NUCB2: variants seen among roughly 807,000 people sequenced by gnomAD.
NUCB2 encodes nucleobindin-2.
Under a neutral mutation model 57.9 loss-of-function variants are expected in NUCB2, and 48 were observed. That is an observed-to-expected ratio of 0.83 (90% confidence interval 0.66 to 1.05). The LOEUF is 1.05. Among genes scored for constraint, NUCB2 ranks in the 50% least tolerant of loss-of-function variants. The probability of loss-of-function intolerance (pLI) is 0.00; values close to 1 mark genes in which losing one functional copy is unlikely to be tolerated. For synonymous variants in NUCB2, 139 were observed against 152.1 expected (o/e 0.91, Z 0.64); for missense variants, 442 against 476.2 (o/e 0.93, Z 0.67).
In NUCB2 at chr11:17,330,894, T is replaced by C. The variant is rs775158447; in HGVS notation, c.1174-8T>C. ...TTATACTTTTAACTTTCATTTTCCA[T>C]TCACCAGGTCATACAGCAGATGGAA... On this transcript the variant is annotated splice_region_variant and splice_polypyrimidine_tract_variant and intron_variant, in intron 12 of 13. Coordinates refer to ENST00000529010, the MANE Select transcript of NUCB2 (RefSeq NM_005013.4). This position sits in a 1 kb window ranked among gnomAD's most constrained non-coding sequence, Gnocchi z 4.3. The C allele has an allele frequency of 1.9e-6, 3 of 1,545,468 alleles. No homozygotes were observed. The South Asian group carries it at 3.3e-5, about 17-fold the overall frequency.
chr11:17,301,790 G>A lies in NUCB2; in HGVS notation c.299G>A (p.Arg100Lys). 6.2e-7 allele frequency: 1 copy of A among 1,610,402 alleles called. No individual in the cohort carries two copies. Among genetic ancestry groups the A allele is most frequent in the Non-Finnish European group, 8.5e-7 (1 of 1,176,644 alleles). Reference sequence around the variant, plus strand: ...CTGGATTTAGTAAGTCACCATGTGAGGACAAAACTTGATGAACTGAAAAGG... The same window carrying A: ...CTGGATTTAGTAAGTCACCATGTGAAGACAAAACTTGATGAACTGAAAAGG... ...KELDLVSHHV[R>K]TKLDELKRQE... Residue 100 changes from arginine (R) to lysine (K), a missense_variant, in exon 5 of 14, where the codon AGG (arginine) becomes AAG (lysine). Transcript: ENST00000529010.
At chr11:17,313,307 A>G (rs1408388388) in intron 10 of NUCB2, among the ~76,000 whole-genome samples, 1 of 151,796 alleles carries the variant, frequency 6.6e-6, no homozygotes, top group African/African-American at 2.4e-5. Flanking sequence ...TGGCAGGTGG[A>G]TCTCTTGAGG....
intron 5 of NUCB2, among the ~76,000 whole-genome samples, chr11:17,303,575 G>T (rs544439127): frequency 6.6e-6 from 1 of 152,054 alleles, no homozygotes; most frequent in Non-Finnish European, 1.5e-5. Context: ...TAGAATTTCC[G>T]AAATGCAAGG....
rs1231716255 is a variant in NUCB2, at chr11:17,330,184, A to G, written c.1060A>G (p.Ile354Val). Reference protein sequence around the residue: ...EEELKEYENIIALQENELKKK... With the variant: ...EEELKEYENIVALQENELKKK... ...AGAACTAAAAGAATATGAAAATATT[A>G]TTGCTTTACAAGAAAATGAACTTAA... Residue 354 changes from isoleucine (I) to valine (V), a missense_variant, in exon 12 of 14, where the codon ATT becomes GTT. By Grantham distance (29) the Ile-to-Val change is conservative. Coordinates refer to ENST00000529010, the MANE Select transcript of NUCB2 (RefSeq NM_005013.4). The surrounding 1 kb of genome is among the most constrained non-coding windows in gnomAD (Gnocchi z 4.3). The G allele has an allele frequency of 1.3e-6, 2 of 1,591,456 alleles. No individual in the cohort carries two copies. The highest frequency in any genetic ancestry group is 1.3e-5 in the African/African-American group (1 of 74,584).
At position 17,330,991 on chromosome 11, in the gene NUCB2, A is replaced by G. The variant is rs866550315; in HGVS notation, c.1255+8A>G. The G allele has an allele frequency of 4.6e-6, 7 of 1,532,978 alleles. No individual in the cohort carries two copies. Among genetic ancestry groups the G allele is most frequent in the Middle Eastern group, 1.7e-4 (1 of 5,912 alleles). 95.0% of individuals were successfully genotyped at this position (1,532,978 alleles called of 1,614,324 possible). On this transcript the variant is annotated splice_region_variant and intron_variant, in intron 13 of 13. Transcript: ENST00000529010. This position sits in a 1 kb window ranked among gnomAD's most constrained non-coding sequence, Gnocchi z 4.3. ...AATTGAAGTTTGAGCCACGTGTGTA[A>G]TTTTGTTTGATTATTTATTTAGGAA...
downstream of NUCB2, among the ~76,000 whole-genome samples, chr11:17,334,999 C>T (rs911605501): frequency 1.1e-4 from 17 of 151,862 alleles, no homozygotes; most frequent in African/African-American, 4.1e-4. Context: ...ATTGCATATT[C>T]CTCCAAACAT....
chr11:17,336,610 C>T (rs1042272822), downstream of NUCB2, among the ~76,000 whole-genome samples: 25 of 151,146 alleles, frequency 1.7e-4, no homozygotes, highest in Non-Finnish European at 3.7e-4. Context: ...AAAAATTAGC[C>T]GGGCGTGGTG....
chr11:17,279,594 G>A (rs1269581035), intron 1 of NUCB2, among the ~76,000 whole-genome samples: 3 of 152,094 alleles, frequency 2.0e-5, no homozygotes, highest in South Asian at 2.1e-4. Flanking sequence ...TTATATGAAT[G>A]TGATCTTTCA....
chr11:17,327,098 T>C (rs909642780), intron 11 of NUCB2, among the ~76,000 whole-genome samples: 13 of 152,188 alleles, frequency 8.5e-5, no homozygotes, highest in Admixed American at 6.5e-5. Context: ...TCTTGCTCTG[T>C]TACCCAGACT....
chr11:17,341,484 T>C (rs372497205), intron 2 of NUCB2, among the ~76,000 whole-genome samples: 2 of 151,986 alleles, frequency 1.3e-5, no homozygotes, highest in Admixed American at 6.6e-5. Flanking sequence ...TTTTGAAATA[T>C]GTCCCATCAA....
At chr11:17,304,838 T>C (rs1372209445) in intron 5 of NUCB2, among the ~76,000 whole-genome samples, 4 of 152,180 alleles carry the variant, frequency 2.6e-5, no homozygotes, top group African/African-American at 9.6e-5. Flanking sequence ...AACTTTAAAA[T>C]ACTCATGAAG....
At position 17,295,361 on chromosome 11, in the gene NUCB2, TC is replaced by T. The variant is rs756249891; in HGVS notation, c.39del (p.Leu14Ter). 5.0e-6 allele frequency: 8 copies of T among 1,612,744 alleles called. No homozygotes were observed. In the East Asian group the frequency reaches 1.8e-4, roughly 36 times the overall value. On this transcript the variant is annotated frameshift_variant, in exon 3 of 14. Coordinates refer to ENST00000529010, the MANE Select transcript of NUCB2 (RefSeq NM_005013.4). LOFTEE classifies it high-confidence loss of function. ...ACCATCCTGCTACAGTATTGCTTTC[TC>T]TTGATTACATGTTTACTTACTGCTC... ...WRTILLQYCF[L>X]LITCLLTALE...
At chr11:17,336,224 T>G (rs919249221), downstream of NUCB2, among the ~76,000 whole-genome samples, 9 of 152,246 alleles carry the variant, frequency 5.9e-5, no homozygotes, top group South Asian at 1.9e-3. Flanking sequence ...ATTACAGGTG[T>G]GAGCCACCAC....
At position 17,311,223 on chromosome 11, in the gene NUCB2, G is replaced by A. The variant is rs1948443119; in HGVS notation, c.700G>A (p.Glu234Lys). The change falls in exon 8 of 14, where the codon GAA (glutamate) becomes AAA (lysine). Residue 234 changes from glutamate to lysine, a missense_variant. Coordinates refer to ENST00000529010, the MANE Select transcript of NUCB2 (RefSeq NM_005013.4). Reference protein sequence around the residue: ...GSKDQLKEVWEETDGLDPNDF... With the variant: ...GSKDQLKEVWKETDGLDPNDF... ...CAAAGATCAACTAAAAGAGGTATGG[G>A]AAGAGACTGATGGATTGGATCCTAA... 5 of 1,609,688 alleles carry A rather than the reference G, an allele frequency of 3.1e-6. No individual in the cohort carries two copies. The highest frequency in any genetic ancestry group is 1.3e-5 in the African/African-American group (1 of 74,688).
In NUCB2 at chr11:17,317,946, T is replaced by C. The variant is rs372383841; in HGVS notation, c.1002+2471T>C. 1.6e-3 allele frequency among the ~76,000 whole-genome samples: 234 copies of C among 149,970 alleles called. 7 individuals carry two copies. In the South Asian group the frequency reaches 0.039, roughly 25 times the overall value. On this transcript the variant is annotated intron_variant, in intron 11 of 13. Transcript: ENST00000529010. ...TCCTGCCTCAGCCTCCCAAAATGTG[T>C]GAGCCACTGTGCCTGGAAAGAAGTC... is the stretch of plus-strand genomic sequence containing the variant.
At chr11:17,340,239 C>T (rs1186105771) in intron 2 of NUCB2, among the ~76,000 whole-genome samples, 86 of 152,238 alleles carry the variant, frequency 5.6e-4, no homozygotes, top group Middle Eastern at 3.4e-3. Flanking sequence ...ATTGTAGATT[C>T]TGGATATTAG....
chr11:17,287,272 C>T (rs1462442175), intron 2 of NUCB2, among the ~76,000 whole-genome samples: 1 of 152,046 alleles, frequency 6.6e-6, no homozygotes, highest in Non-Finnish European at 1.5e-5. Context: ...ATCAAATTTG[C>T]AGTGAGCTGT....
chr11:17,280,178 T>C (rs760282939), intron 1 of NUCB2, among the ~76,000 whole-genome samples: 4 of 152,180 alleles, frequency 2.6e-5, no homozygotes, highest in Non-Finnish European at 4.4e-5. Flanking sequence ...TTTAATAATA[T>C]GTTTATTGAG....
chr11:17,346,903 GA>G (rs998179677), intron 2 of NUCB2, among the ~76,000 whole-genome samples: 2 of 151,726 alleles, frequency 1.3e-5, no homozygotes, highest in Non-Finnish European at 2.9e-5. Flanking sequence ...TTGTTATTTT[GA>G]AAAAAAATTA....
Sources: allele counts gnomAD v4.1 joint callset (sites outside exome capture counted in the v4.1 genomes callset), GRCh38; gene constraint gnomAD v4.1.1; non-coding constraint Gnocchi (gnomAD v3.1); transcripts MANE v1.5; gene names NCBI Gene and HGNC (gene_info 2026-07-23, HGNC 2026-07-21).